Variants in NAV2 observed in about 807,000 individuals in gnomAD.
NAV2 encodes the protein helicase, APC down-regulated 1.
A neutral mutation model predicts 223.2 loss-of-function variants in NAV2; 54 were observed. The ratio of observed to expected loss-of-function variants is 0.24; its 90% CI spans 0.19 to 0.30. NAV2 has a LOEUF of 0.30. Ranked by LOEUF, NAV2 falls within the 10% of genes least tolerant of loss-of-function variation. The pLI, the probability that NAV2 is intolerant of heterozygous loss-of-function variation, is 1.00. For synonymous variants in NAV2, 1,279 were observed against 1,239.3 expected, an observed-to-expected ratio of 1.03 and a Z score of -0.67; for missense variants, 2,806 against 3,147.5, an observed-to-expected ratio of 0.89 and a Z score of 2.60.
In NAV2 at chr11:20,118,223, G is replaced by A. The variant is rs147868960; in HGVS notation, c.7255G>A (p.Asp2419Asn). The A allele has an allele frequency of 1.1e-5, 18 of 1,613,952 alleles. No homozygotes were observed. The highest frequency in any genetic ancestry group is 1.4e-5 in the Non-Finnish European group (17 of 1,180,016). The change falls in exon 38 of 38, where the codon GAC becomes AAC. Residue 2419 changes from aspartate to asparagine, a missense_variant. Coordinates refer to ENST00000349880, the MANE Select transcript of NAV2 (RefSeq NM_145117.5). ...SDSNSNSHHD[D>N]ILDSSLESTL Reference sequence around the variant, plus strand: ...CTCCAACAGCAACAGCCATCACGATGACATCTTGGACTCCTCTTTGGAGTC... The same window carrying A: ...CTCCAACAGCAACAGCCATCACGATAACATCTTGGACTCCTCTTTGGAGTC...
At chr11:19,687,044 T>C (rs1461995249) in intron 1 of NAV2, among the ~76,000 whole-genome samples, 4 of 152,224 alleles carry the variant, frequency 2.6e-5, no homozygotes, top group African/African-American at 9.6e-5. Flanking sequence ...TTTCAACACA[T>C]TGAGCTCTTA....
intron 1 of NAV2, among the ~76,000 whole-genome samples, chr11:19,677,573 TAAAA>T (rs1351225768): frequency 6.6e-6 from 1 of 152,256 alleles, no homozygotes; most frequent in African/African-American, 2.4e-5. Flanking sequence ...GAATGACTCC[TAAAA>T]ATTATCTGTC....
chr11:20,089,803 A>G (rs1565039079), intron 26 of NAV2, among the ~76,000 whole-genome samples: 1 of 152,204 alleles, frequency 6.6e-6, no homozygotes, highest in Non-Finnish European at 1.5e-5. Context: ...CTGATTTGCC[A>G]GGTGTTTGAA....
chr11:19,853,947 A>G (rs775011637), intron 3 of NAV2, among the ~76,000 whole-genome samples: 3 of 152,224 alleles, frequency 2.0e-5, no homozygotes, highest in African/African-American at 7.2e-5. Context: ...ACACACCTGC[A>G]TTGGGACTGA....
chr11:19,448,169 C>A (rs551370638), intron 1 of NAV2, among the ~76,000 whole-genome samples: 54 of 151,088 alleles, frequency 3.6e-4, no homozygotes, highest in Non-Finnish European at 5.9e-4. Context: ...CCATCACACT[C>A]CCCCTGAATT....
At chr11:19,375,378 C>T (rs1387920495) in intron 1 of NAV2, among the ~76,000 whole-genome samples, 1 of 152,200 alleles carries the variant, frequency 6.6e-6, no homozygotes. Context: ...AGAGACCAGT[C>T]AGTGAGAGCA....
upstream of NAV2, among the ~76,000 whole-genome samples, chr11:19,709,943 A>C (rs1410708522): frequency 5.9e-5 from 9 of 152,242 alleles, no homozygotes; most frequent in African/African-American, 2.2e-4. Context: ...ATGAAGAATT[A>C]TCAGAATTTA....
At chr11:19,523,527 C>A (rs1044684402) in intron 1 of NAV2, among the ~76,000 whole-genome samples, 1 of 152,186 alleles carries the variant, frequency 6.6e-6, no homozygotes, top group Non-Finnish European at 1.5e-5. Flanking sequence ...TGAAGTTCTG[C>A]CTGAAGCTGG....
chr11:19,932,097 G>C (rs971736437), intron 6 of NAV2, among the ~76,000 whole-genome samples: 1 of 152,030 alleles, frequency 6.6e-6, no homozygotes. Flanking sequence ...CTCTAGTTTG[G>C]AAGTATTTTG....
chr11:19,846,424 T>G (rs2060815504), intron 3 of NAV2, among the ~76,000 whole-genome samples: 1 of 152,130 alleles, frequency 6.6e-6, no homozygotes, highest in Non-Finnish European at 1.5e-5. Context: ...ACAAGCCTTG[T>G]GCATGCTTCA....
At position 20,093,153 on chromosome 11, in the gene NAV2, A is replaced by G; in HGVS notation, c.5870A>G (p.His1957Arg). 6.2e-7 allele frequency: 1 copy of G among 1,614,116 alleles called. No homozygotes were observed. Among genetic ancestry groups the G allele is most frequent in the Non-Finnish European group, 8.5e-7 (1 of 1,179,998 alleles). The stretch of plus-strand genomic sequence containing the variant: ...TCGGCTCGGAAGGAAGGAGGCAGGC[A>G]TGTTAAGATAGTTGTCAGCTTTCAG... The part of the protein sequence containing the change: ...ECSARKEGGR[H>R]VKIVVSFQEE... The change falls in exon 29 of 38, where the codon CAT becomes CGT. Residue 1957 changes from histidine to arginine, a missense_variant. His to Arg is a conservative substitution (Grantham distance 29). This residue lies in a region of NAV2 where 824 missense variants were observed against 1,069.4 expected (regional missense o/e 0.77). Coordinates refer to ENST00000349880, the MANE Select transcript of NAV2 (RefSeq NM_145117.5).
intron 36 of NAV2, among the ~76,000 whole-genome samples, chr11:20,109,160 A>G (rs1214479368): frequency 6.6e-6 from 1 of 152,232 alleles, no homozygotes; most frequent in East Asian, 1.9e-4. Context: ...AGCAGCAATG[A>G]TGGTCTTCAG....
At chr11:19,610,425 T>C (rs1370603606) in intron 1 of NAV2, among the ~76,000 whole-genome samples, 4 of 152,212 alleles carry the variant, frequency 2.6e-5, no homozygotes, top group Non-Finnish European at 4.4e-5. Flanking sequence ...TCATGCTACA[T>C]AGATGTGGGC....
intron 1 of NAV2, among the ~76,000 whole-genome samples, chr11:19,786,967 G>A (rs1397232116): frequency 6.6e-6 from 1 of 152,158 alleles, no homozygotes; most frequent in Non-Finnish European, 1.5e-5. Flanking sequence ...ATTTGTGCCT[G>A]TGAATAGCCA....
chr11:19,775,894 C>T (rs1253083140), intron 1 of NAV2, among the ~76,000 whole-genome samples: 1 of 152,104 alleles, frequency 6.6e-6, no homozygotes, highest in Non-Finnish European at 1.5e-5. Flanking sequence ...GGTGGGAGAC[C>T]AGGTTGCAGG....
At chr11:20,022,666 T>C (rs1591702089) in intron 11 of NAV2, 1 of 994,466 alleles carries the variant, frequency 1.0e-6, no homozygotes, top group Non-Finnish European at 1.2e-6. Flanking sequence ...TGGAAAGACT[T>C]TCTGCAATGT....
intron 1 of NAV2, chr11:19,351,040 A>G (rs1361124548): frequency 7.1e-6 from 11 of 1,543,566 alleles, no homozygotes; most frequent in South Asian, 1.2e-5. Context: ...AAGTGGCAGA[A>G]CTTTGTTGGT....
chr11:19,407,027 C>T (rs1304752295), intron 1 of NAV2, among the ~76,000 whole-genome samples: 1 of 152,214 alleles, frequency 6.6e-6, no homozygotes, highest in African/African-American at 2.4e-5. Flanking sequence ...CTTCCTGGTG[C>T]CAGATGGAGG....
chr11:19,655,239 A>G (rs1361304435), intron 1 of NAV2, among the ~76,000 whole-genome samples: 1 of 152,234 alleles, frequency 6.6e-6, no homozygotes, highest in Non-Finnish European at 1.5e-5. Flanking sequence ...AATTCAGGAA[A>G]CAACAGGTGC....
Sources: gnomAD v4.1 joint callset for allele counts (sites outside exome capture counted in the v4.1 genomes callset) on GRCh38, gnomAD v4.1.1 for gene constraint, gnomAD v4.1.1 regional missense constraint, MANE v1.5 for transcripts, NCBI Gene and HGNC (gene_info 2026-07-23, HGNC 2026-07-21) for gene names.